The following CTNNA2 variants were observed in gnomAD, a reference collection of about 807,000 sequenced individuals.
CTNNA2 encodes the protein catenin alpha 2, also known as catenin alpha-2.
Under a neutral mutation model 101.0 loss-of-function variants are expected in CTNNA2, and 42 were observed. The observed-to-expected ratio is 0.42, with a 90% CI of 0.32 to 0.54. The LOEUF is 0.54. Ranked by LOEUF, CTNNA2 falls within the 20% of genes least tolerant of loss-of-function variation. The pLI is 0.14. For synonymous variants in CTNNA2, 450 were observed against 456.4 expected (o/e 0.99, Z 0.18); for missense variants, 871 against 1,223.1 (o/e 0.71, Z 4.29).
chr2:79,619,681 A>G (rs886248635), intron 1 of CTNNA2, among the ~76,000 whole-genome samples: 9 of 152,168 alleles, frequency 5.9e-5, no homozygotes, highest in African/African-American at 2.2e-4. Context: ...GTCATGAAAA[A>G]TACCTCTGCT....
At chr2:79,402,233 T>C (rs2104481861) in intron 4 of CTNNA2, among the ~76,000 whole-genome samples, 1 of 151,926 alleles carries the variant, frequency 6.6e-6, no homozygotes, top group African/African-American at 2.4e-5. Context: ...TCACTTTCAA[T>C]AATGGATGGA....
intron 1 of CTNNA2, among the ~76,000 whole-genome samples, chr2:79,600,892 G>GTGCT (rs758154118): frequency 9.9e-5 from 15 of 151,994 alleles, no homozygotes; most frequent in Non-Finnish European, 7.4e-5. Context: ...TCTTATAAGG[G>GTGCT]TGCTAATCCC....
chr2:80,154,548 GA>G (rs1322432008), intron 7 of CTNNA2, among the ~76,000 whole-genome samples: 2 of 149,736 alleles, frequency 1.3e-5, no homozygotes, highest in African/African-American at 5.1e-5. Context: ...CTTAGGGACA[GA>G]AAGTCATACT....
At chr2:79,705,124 G>A (rs979441896) in intron 2 of CTNNA2, among the ~76,000 whole-genome samples, 3 of 152,030 alleles carry the variant, frequency 2.0e-5, no homozygotes, top group South Asian at 4.2e-4. Flanking sequence ...TGCGCTGGAC[G>A]GTTCCACTCC....
chr2:80,623,034 C>T (rs1348808418), intron 18 of CTNNA2, among the ~76,000 whole-genome samples: 1 of 138,260 alleles, frequency 7.2e-6, no homozygotes, highest in Non-Finnish European at 1.5e-5. Flanking sequence ...AGCAAGACTA[C>T]TAGCGCTAGT....
intron 9 of CTNNA2, among the ~76,000 whole-genome samples, chr2:80,421,063 C>T (rs1420543454): frequency 6.6e-6 from 1 of 151,956 alleles, no homozygotes; most frequent in Non-Finnish European, 1.5e-5. Flanking sequence ...CCAAGGTTGA[C>T]CTTGGAAGCT....
chr2:79,940,733 C>G (rs759754423), intron 7 of CTNNA2, among the ~76,000 whole-genome samples: 53 of 152,146 alleles, frequency 3.5e-4, no homozygotes, highest in Non-Finnish European at 5.1e-4. Flanking sequence ...CCTAGCCTAC[C>G]TTAAATGTGT....
intron 1 of CTNNA2, among the ~76,000 whole-genome samples, chr2:79,629,544 T>C (rs1006937915): frequency 2.6e-5 from 4 of 152,170 alleles, no homozygotes; most frequent in South Asian, 2.1e-4. Context: ...GATGTGGTTA[T>C]GGGAATGTGT....
intron 7 of CTNNA2, among the ~76,000 whole-genome samples, chr2:80,181,378 C>T (rs183629640): frequency 1.3e-5 from 2 of 152,244 alleles, no homozygotes; most frequent in Admixed American, 6.5e-5. Flanking sequence ...TTTAGGAGTT[C>T]GGTGCCCACA....
chr2:79,391,453 T>G (rs906569195), intron 4 of CTNNA2, among the ~76,000 whole-genome samples: 10 of 152,184 alleles, frequency 6.6e-5, no homozygotes, highest in African/African-American at 2.4e-4. Context: ...AAGAATACAG[T>G]ATATATAAAA....
chr2:80,255,287 G>A (rs1347502228), intron 7 of CTNNA2, among the ~76,000 whole-genome samples: 1 of 152,072 alleles, frequency 6.6e-6, no homozygotes, highest in Non-Finnish European at 1.5e-5. Context: ...AGAACAGAAC[G>A]TGTGATTATC....
rs182760148 is a variant in CTNNA2, at chr2:79,186,294, C to G, written c.-524+863C>G. ...TAAAAAGTATAGACATGAATTTATC[C>G]ATCTACTCATTTTATTCTATAAACA... On this transcript the variant is annotated intron_variant, in intron 1 of 21. Coordinates refer to the CTNNA2 transcript ENST00000466387. Among the ~76,000 whole-genome samples the G allele has an allele frequency of 2.2e-4, 33 of 152,172 alleles. No homozygotes were observed. The East Asian group carries it at 5.8e-3, about 27-fold the overall frequency.
At chr2:79,920,684 G>A (rs1686591622) in intron 7 of CTNNA2, among the ~76,000 whole-genome samples, 1 of 152,082 alleles carries the variant, frequency 6.6e-6, no homozygotes. Context: ...ACTATGCTTG[G>A]CTTCTTCATG....
At position 79,301,678 on chromosome 2, in the gene CTNNA2, C is replaced by T. The variant is rs181158783; in HGVS notation, c.-405-11031C>T. On this transcript the variant is annotated intron_variant, in intron 2 of 21. Coordinates refer to the CTNNA2 transcript ENST00000466387. The stretch of plus-strand genomic sequence containing the variant: ...ATCCCCCCTATCTCCCCTGTCTCCC[C>T]TTGAGTACAGTCAGAATATAATCCC... Among the ~76,000 whole-genome samples, 250 of 152,236 alleles carry T rather than the reference C, an allele frequency of 1.6e-3. 2 individuals are homozygous for T. The highest frequency in any genetic ancestry group is 5.5e-3 in the African/African-American group (229 of 41,532).
At chr2:79,369,469 T>C (rs1368167932) in intron 3 of CTNNA2, among the ~76,000 whole-genome samples, 1 of 152,134 alleles carries the variant, frequency 6.6e-6, no homozygotes, top group Non-Finnish European at 1.5e-5. Flanking sequence ...TGAAGGCACA[T>C]GCACACGACT....
chr2:79,992,649 G>A (rs945161959), intron 7 of CTNNA2, among the ~76,000 whole-genome samples: 5 of 152,154 alleles, frequency 3.3e-5, no homozygotes, highest in African/African-American at 4.8e-5. Context: ...TTGTGAAGGT[G>A]GTAGTAGTTG....
chr2:79,409,311 C>G (rs1245010849), intron 4 of CTNNA2, among the ~76,000 whole-genome samples: 1 of 151,876 alleles, frequency 6.6e-6, no homozygotes, highest in African/African-American at 2.4e-5. Context: ...TAATTACATC[C>G]CATTTGTCAA....
At chr2:79,765,334 C>CT (rs1006421085) in intron 3 of CTNNA2, among the ~76,000 whole-genome samples, 5 of 152,038 alleles carry the variant, frequency 3.3e-5, no homozygotes, top group African/African-American at 1.2e-4. Flanking sequence ...CTAGTACTTT[C>CT]TTTTTTTCTA....
At chr2:80,458,589 T>C (rs993686483) in intron 9 of CTNNA2, among the ~76,000 whole-genome samples, 1 of 152,226 alleles carries the variant, frequency 6.6e-6, no homozygotes, top group Non-Finnish European at 1.5e-5. Context: ...CTCTTTAACC[T>C]TGAAAAATCC....
Sources: gnomAD v4.1 joint callset for allele counts (sites outside exome capture counted in the v4.1 genomes callset) on GRCh38, gnomAD v4.1.1 for gene constraint, MANE v1.5 for transcripts, NCBI Gene and HGNC (gene_info 2026-07-23, HGNC 2026-07-21) for gene names.